Variants in SRPK2 observed in about 807,000 individuals in gnomAD.
SRPK2 encodes SFRS protein kinase 2.
SRPK2 carries 21 observed loss-of-function variants against 90.8 expected under a neutral mutation model. The observed-to-expected ratio is 0.23, with a 90% confidence interval of 0.16 to 0.33. The LOEUF is 0.33. SRPK2 is among the 10% of genes least tolerant of loss of function. The pLI, the probability that SRPK2 is intolerant of heterozygous loss-of-function variation, is 1.00. For synonymous variants in SRPK2, 288 were observed against 311.1 expected (o/e 0.93, Z 0.78); for missense variants, 620 against 869.0 (o/e 0.71, Z 3.60).
intron 15 of SRPK2, among the ~76,000 whole-genome samples, chr7:105,122,878 C>T (rs985065019): frequency 4.0e-5 from 6 of 151,836 alleles, no homozygotes; most frequent in Non-Finnish European, 8.8e-5. Context: ...ATCTAGAGAC[C>T]AGTTTTTTTT....
At chr7:105,347,698 A>AT (rs1466655509) in intron 2 of SRPK2, among the ~76,000 whole-genome samples, 2 of 151,812 alleles carry the variant, frequency 1.3e-5, no homozygotes, top group African/African-American at 4.8e-5. Context: ...CTGCAAAAAA[A>AT]TTTTAAAAAT....
chr7:105,339,028 T>G (rs1425046379), intron 2 of SRPK2, among the ~76,000 whole-genome samples: 5 of 152,218 alleles, frequency 3.3e-5, no homozygotes, highest in South Asian at 4.1e-4. Flanking sequence ...GTTATGACAT[T>G]AACTATTAAA....
intron 2 of SRPK2, among the ~76,000 whole-genome samples, chr7:105,322,843 C>T (rs1585702780): frequency 6.6e-6 from 1 of 152,166 alleles, no homozygotes. Flanking sequence ...CCATGGTCCC[C>T]ACTAAAACTC....
chr7:105,194,082 G>C (rs561353375), intron 3 of SRPK2, among the ~76,000 whole-genome samples: 100 of 152,224 alleles, frequency 6.6e-4, no homozygotes, highest in Admixed American at 2.7e-3. Flanking sequence ...ATCAGGAACA[G>C]TTTTTAATTT....
chr7:105,173,684 G>C (rs139810333), intron 3 of SRPK2, among the ~76,000 whole-genome samples: 2 of 152,156 alleles, frequency 1.3e-5, no homozygotes, highest in African/African-American at 4.8e-5. Flanking sequence ...AACAAGTACA[G>C]TCACTAGACA....
At chr7:105,389,432 C>G, upstream of SRPK2, 1 of 1,198,732 alleles carries the variant, frequency 8.3e-7, no homozygotes, top group Non-Finnish European at 1.1e-6. Flanking sequence ...GCTGGGAAAC[C>G]TGGGTCCGCG....
chr7:105,194,709 T>C (rs1794707000), intron 3 of SRPK2, among the ~76,000 whole-genome samples: 1 of 152,164 alleles, frequency 6.6e-6, no homozygotes, highest in Admixed American at 6.5e-5. Context: ...TTATACAAAA[T>C]GCAAAGGATC....
At chr7:105,167,970 A>T in intron 5 of SRPK2, 38 bp downstream of exon 5, 1 of 1,486,108 alleles carries the variant, frequency 6.7e-7, no homozygotes, top group Non-Finnish European at 9.2e-7. Context: ...TTAAGTCATT[A>T]AGTTTTCTTA....
chr7:105,346,286 G>A (rs748830393), intron 2 of SRPK2, among the ~76,000 whole-genome samples: 2 of 152,048 alleles, frequency 1.3e-5, no homozygotes, highest in African/African-American at 4.8e-5. Flanking sequence ...ATTCACAACT[G>A]CAGTATTTCC....
chr7:105,330,428 A>T (rs2131679831), intron 2 of SRPK2, among the ~76,000 whole-genome samples: 1 of 152,218 alleles, frequency 6.6e-6, no homozygotes, highest in East Asian at 1.9e-4. Context: ...TCCTGTCTCC[A>T]TTTCTATTCA....
At chr7:105,132,383 C>T (rs562634050) in intron 13 of SRPK2, among the ~76,000 whole-genome samples, 8 of 152,210 alleles carry the variant, frequency 5.3e-5, no homozygotes, top group Non-Finnish European at 1.2e-4. Context: ...TCCCACCTGC[C>T]CGCCTTAGGC....
intron 2 of SRPK2, chr7:105,302,019 C>T (rs1159319391): frequency 2.5e-6 from 4 of 1,584,490 alleles, no homozygotes; most frequent in African/African-American, 2.7e-5. Context: ...GGAGAACTTC[C>T]TCGAGGCTGG....
chr7:105,157,367 C>G (rs142882912), intron 7 of SRPK2, among the ~76,000 whole-genome samples: 1 of 152,228 alleles, frequency 6.6e-6, no homozygotes, highest in African/African-American at 2.4e-5. Context: ...CTGGCTTGTT[C>G]TGGGAAATGA....
chr7:105,397,600 T>A (rs564692711), intron 1 of SRPK2, among the ~76,000 whole-genome samples: 2 of 152,006 alleles, frequency 1.3e-5, no homozygotes, highest in South Asian at 4.2e-4. Flanking sequence ...AGTGCTGGGA[T>A]TACAGGCATG....
At chr7:105,371,627 G>C (rs1819703488) in intron 2 of SRPK2, among the ~76,000 whole-genome samples, 1 of 149,770 alleles carries the variant, frequency 6.7e-6, no homozygotes, top group African/African-American at 2.5e-5. Flanking sequence ...ATGGTAGGTA[G>C]TGCATGCCTG....
In SRPK2 at chr7:105,350,526, TTTC is replaced by T. The variant is rs1439916246; in HGVS notation, c.71+38119_71+38121del. 2.1e-3 allele frequency among the ~76,000 whole-genome samples: 220 copies of T among 104,974 alleles called. 1 individual carries two copies. Among genetic ancestry groups the T allele is most frequent in the African/African-American group, 6.1e-3 (202 of 32,992 alleles). The allele number at this position is 104,974 out of a possible 152,430, so 68.9% of individuals were successfully genotyped here. A position where few individuals can be genotyped will look rare whatever the true frequency, so the allele number is the denominator to read the frequency against. On this transcript the variant is annotated intron_variant, in intron 2 of 15. Coordinates refer to ENST00000393651, the MANE Select transcript of SRPK2 (RefSeq NM_182692.3). ...TAACCCTGTGGTTGCTACAATTTTT[TTTC>T]TTTTTTTTTTTTTTTTGAGACGGAA...
chr7:105,278,059 C>G (rs1443446260), intron 2 of SRPK2, among the ~76,000 whole-genome samples: 5 of 152,068 alleles, frequency 3.3e-5, no homozygotes, highest in African/African-American at 1.2e-4. Flanking sequence ...CTCATGCCTG[C>G]AATCCCAGCA....
intron 11 of SRPK2, among the ~76,000 whole-genome samples, chr7:105,133,328 G>A (rs1314841955): frequency 6.6e-6 from 1 of 152,198 alleles, no homozygotes; most frequent in Non-Finnish European, 1.5e-5. Context: ...GACGCCAAGG[G>A]CACTGCCTTG....
intron 2 of SRPK2, among the ~76,000 whole-genome samples, chr7:105,342,065 A>G (rs1815872451): frequency 6.6e-6 from 1 of 152,124 alleles, no homozygotes; most frequent in African/African-American, 2.4e-5. Flanking sequence ...GGAGATCGAG[A>G]CCATCCTAGC....
Sources: gnomAD v4.1 joint callset for allele counts (sites outside exome capture counted in the v4.1 genomes callset) on GRCh38, gnomAD v4.1.1 for gene constraint, MANE v1.5 for transcripts, NCBI Gene and HGNC (gene_info 2026-07-23, HGNC 2026-07-21) for gene names.